The following IRAK2 variants were observed in gnomAD, a reference collection of about 807,000 sequenced individuals.
IRAK2 encodes the protein interleukin-1 receptor-associated kinase-like 2.
A neutral mutation model predicts 72.0 loss-of-function variants in IRAK2; 57 were observed. That is an observed-to-expected ratio of 0.79 (90% confidence interval 0.64 to 0.99). The LOEUF (loss-of-function observed/expected upper bound fraction) is 0.99. Ranked by LOEUF, IRAK2 falls within the 50% of genes least tolerant of loss-of-function variation. IRAK2 has a pLI of 0.00. For synonymous variants in IRAK2, 293 were observed against 312.7 expected, an observed-to-expected ratio of 0.94 and a Z score of 0.67; for missense variants, 790 against 794.4, an observed-to-expected ratio of 0.99 and a Z score of 0.07.
chr3:10,239,165 CA>C, intron 12 of IRAK2, 126 bp downstream of exon 12: 1 of 860,698 alleles, frequency 1.2e-6, no homozygotes. Flanking sequence ...ACCAACCAGC[CA>C]GTTTTTCACA....
intron 11 of IRAK2, among the ~76,000 whole-genome samples, chr3:10,235,329 CAG>C (rs1345609749): frequency 1.3e-5 from 2 of 151,108 alleles, no homozygotes; most frequent in African/African-American, 4.9e-5. Flanking sequence ...CTTTTTGAGA[CAG>C]AGTCTCCTTC....
chr3:10,168,574 A>C (rs1198531178), intron 1 of IRAK2, among the ~76,000 whole-genome samples: 1 of 151,984 alleles, frequency 6.6e-6, no homozygotes, highest in Non-Finnish European at 1.5e-5. Context: ...CTGTGGTTTG[A>C]TTTGCATTTC....
intron 3 of IRAK2, among the ~76,000 whole-genome samples, chr3:10,201,517 A>T (rs1423972779): frequency 1.3e-5 from 2 of 152,382 alleles, no homozygotes; most frequent in Non-Finnish European, 2.9e-5. Context: ...TCACACAAAT[A>T]GGAAGTAATG....
intron 12 of IRAK2, among the ~76,000 whole-genome samples, chr3:10,240,147 CA>C (rs34730585): frequency 4.1e-4 from 54 of 132,652 alleles, no homozygotes; most frequent in Admixed American, 3.8e-4. Flanking sequence ...GACTCCGTCT[CA>C]AAAAAAAAAA....
At position 10,165,039 on chromosome 3, in the gene IRAK2, A is replaced by C; in HGVS notation, c.85A>C (p.Met29Leu). Residue 29 changes from methionine (M) to leucine (L), a missense_variant, in exon 1 of 13, where the codon ATG becomes CTG. Transcript: ENST00000256458. Reference protein sequence around the residue: ...NMDALSEWDWMEFASYVITDL... With the variant: ...NMDALSEWDWLEFASYVITDL... ...GGACGCGCTCAGCGAGTGGGACTGG[A>C]TGGAGTTCGGTGAGTGCGGCCCGGG... The C allele has an allele frequency of 6.2e-7, 1 of 1,610,844 alleles. No homozygotes were observed. The highest frequency in any genetic ancestry group is 8.5e-7 in the Non-Finnish European group (1 of 1,179,284).
intron 1 of IRAK2, among the ~76,000 whole-genome samples, chr3:10,175,211 C>T (rs1283136229): frequency 6.6e-6 from 1 of 152,166 alleles, no homozygotes; most frequent in Non-Finnish European, 1.5e-5. Context: ...GCAACCTCCA[C>T]CTCCTAGGTT....
At chr3:10,223,706 T>C (rs909626354) in intron 9 of IRAK2, among the ~76,000 whole-genome samples, 1 of 152,252 alleles carries the variant, frequency 6.6e-6, no homozygotes, top group Non-Finnish European at 1.5e-5. Flanking sequence ...TCAGAATATC[T>C]GTCCTTGTCA....
At chr3:10,221,981 G>A (rs1050197962) in intron 8 of IRAK2, among the ~76,000 whole-genome samples, 4 of 151,880 alleles carry the variant, frequency 2.6e-5, no homozygotes, top group Admixed American at 6.6e-5. Context: ...CTCTGCTTCC[G>A]GGTTCAAGCA....
chr3:10,236,341 GGTTTTTT>G (rs1443324703), intron 11 of IRAK2, among the ~76,000 whole-genome samples: 1 of 125,236 alleles, frequency 8.0e-6, no homozygotes, highest in African/African-American at 3.1e-5. Flanking sequence ...GAGCCACTAA[GGTTTTTT>G]TTTTTTTTTT....
In IRAK2 at chr3:10,242,333, C is replaced by T. The variant is rs559137881; in HGVS notation, c.*105C>T. ...CCAAGATCTGCCAGGAAACACACAA[C>T]AAAACATCTGCTGTCCTGGGTGGGA... On this transcript the variant is annotated 3_prime_UTR_variant, in exon 13 of 13. Transcript: ENST00000256458. 13 of 635,052 alleles carry T rather than the reference C, an allele frequency of 2.0e-5. No homozygotes were observed. The highest frequency in any genetic ancestry group is 1.3e-4 in the African/African-American group (7 of 53,658). The allele number at this position is 635,052 out of a possible 1,614,324, so 39.3% of individuals were successfully genotyped here.
Position 10,234,781 on chromosome 3 carries a change from A to C in IRAK2, c.1473+122A>C, listed in dbSNP as rs1575991276. The C allele has an allele frequency of 8.2e-6, 7 of 854,272 alleles. No individual in the cohort carries two copies. In the South Asian group the frequency reaches 9.7e-5, roughly 12 times the overall value. The allele number at this position is 854,272 out of a possible 1,614,324, so 52.9% of individuals were successfully genotyped here. A position where few individuals can be genotyped will look rare whatever the true frequency, so the allele number is the denominator to read the frequency against. On this transcript the variant is annotated intron_variant, in intron 11 of 12. Coordinates refer to ENST00000256458, the MANE Select transcript of IRAK2 (RefSeq NM_001570.4). ...GTTGTGCTTGCTTGCAAGCCGCAGA[A>C]CCTCCTAGAGCTCCCATCAGCCAAA...
intron 2 of IRAK2, among the ~76,000 whole-genome samples, chr3:10,180,391 G>A (rs533317271): frequency 2.0e-5 from 3 of 152,308 alleles, no homozygotes; most frequent in African/African-American, 7.2e-5. Flanking sequence ...GTACAGAAAT[G>A]GGCAGGCAGG....
rs538466587 is a variant in IRAK2, at chr3:10,186,177, G to A, written c.277+8157G>A. The stretch of plus-strand genomic sequence containing the variant: ...TATTCTCTGTGGCCTTATCTGAAAC[G>A]GAACTGGAAAGAATGTGCTTTTATT... On this transcript the variant is annotated intron_variant, in intron 2 of 12. Coordinates refer to ENST00000256458, the MANE Select transcript of IRAK2 (RefSeq NM_001570.4). Among the ~76,000 whole-genome samples the A allele has an allele frequency of 2.8e-3, 419 of 151,718 alleles. 3 individuals are homozygous for A. The highest frequency in any genetic ancestry group is 4.3e-3 in the Non-Finnish European group (294 of 68,036).
At chr3:10,176,336 T>A (rs1218009077) in intron 1 of IRAK2, among the ~76,000 whole-genome samples, 3 of 152,146 alleles carry the variant, frequency 2.0e-5, no homozygotes, top group Admixed American at 2.0e-4. Context: ...GGTCTTGCTG[T>A]GTTGCCCAGG....
intron 11 of IRAK2, 112 bp from the exon 12 acceptor site, chr3:10,238,636 C>A: frequency 3.0e-6 from 3 of 1,014,006 alleles, no homozygotes; most frequent in Non-Finnish European, 4.4e-6. Context: ...AAACAACCAG[C>A]ATTAGGTTCT....
intron 10 of IRAK2, among the ~76,000 whole-genome samples, chr3:10,230,980 T>C (rs1401900509): frequency 6.6e-6 from 1 of 152,004 alleles, no homozygotes; most frequent in African/African-American, 2.4e-5. Flanking sequence ...CTTGAACTCC[T>C]GACCTCAAGT....
At chr3:10,212,430 C>A (rs1697535400) in intron 4 of IRAK2, among the ~76,000 whole-genome samples, 1 of 152,068 alleles carries the variant, frequency 6.6e-6, no homozygotes, top group Non-Finnish European at 1.5e-5. Context: ...GTTATATGAA[C>A]CTGTATCCTA....
At chr3:10,214,930 C>CA (rs1311095127) in intron 6 of IRAK2, among the ~76,000 whole-genome samples, 7 of 151,494 alleles carry the variant, frequency 4.6e-5, no homozygotes, top group African/African-American at 1.5e-4. Context: ...CCCGTCTCTA[C>CA]AAAAAATACA....
chr3:10,199,678 A>ATCT (rs1226144760), intron 2 of IRAK2, among the ~76,000 whole-genome samples: 2 of 151,980 alleles, frequency 1.3e-5, no homozygotes, highest in African/African-American at 4.8e-5. Context: ...GCCCATTCCC[A>ATCT]TCTCTACTCT....
Sources: gnomAD v4.1 joint callset for allele counts (sites outside exome capture counted in the v4.1 genomes callset) on GRCh38, gnomAD v4.1.1 for gene constraint, MANE v1.5 for transcripts, NCBI Gene and HGNC (gene_info 2026-07-23, HGNC 2026-07-21) for gene names.